Variants in DSP observed in about 807,000 individuals in gnomAD.
DSP encodes the protein 250/210 kDa paraneoplastic pemphigus antigen.
In DSP, 114 loss-of-function variants were observed where a neutral mutation model predicts 290.6. The observed-to-expected ratio is 0.39, with a 90% CI of 0.34 to 0.46. DSP has a LOEUF of 0.46. Ranked by LOEUF, DSP falls within the 20% of genes least tolerant of loss-of-function variation. The probability of loss-of-function intolerance (pLI) is 0.99; values close to 1 mark genes in which losing one functional copy is unlikely to be tolerated. For synonymous variants in DSP, 1,311 were observed against 1,316.4 expected (o/e 1.00, Z 0.09); for missense variants, 3,230 against 3,495.8 (o/e 0.92, Z 1.92).
intron 4 of DSP, 97 bp from the exon 5 acceptor site, chr6:7,562,555 T>C (rs898736180): frequency 2.5e-5 from 39 of 1,590,846 alleles, no homozygotes; most frequent in Non-Finnish European, 2.7e-5. Flanking sequence ...TTTACATCTT[T>C]GGTTCTATCT....
intron 12 of DSP, among the ~76,000 whole-genome samples, chr6:7,570,164 A>C (rs1380545628): frequency 1.3e-5 from 2 of 152,222 alleles, no homozygotes; most frequent in Non-Finnish European, 2.9e-5. Flanking sequence ...ATCCTGCCTT[A>C]GACCTCTGTC....
Position 7,585,343 on chromosome 6 carries a change from C to T in DSP, c.8081C>T (p.Ala2694Val). ...ACCAGGCTGAAGCCTGCTCAGAAAG[C>T]CTTCATAGGCTTCGAGGGTGTGAAG... ...MATRLKPAQKAFIGFEGVKGK... is the reference protein window; with the variant it reads ...MATRLKPAQKVFIGFEGVKGK... Residue 2694 changes from alanine to valine, a missense_variant, in exon 24 of 24, where the codon GCC becomes GTC. Ala to Val is a moderately conservative substitution (Grantham distance 64). This residue lies in a region of DSP where 582 missense variants were observed against 555.4 expected (regional missense o/e 1.05). Transcript: ENST00000379802. 1 of 1,614,124 alleles carries T rather than the reference C, an allele frequency of 6.2e-7. No homozygotes were observed. Among genetic ancestry groups the T allele is most frequent in the Middle Eastern group, 1.6e-4 (1 of 6,062 alleles).
At chr6:7,567,274 T>G in intron 8 of DSP, 80 bp from the exon 9 acceptor site, 6 of 1,137,638 alleles carry the variant, frequency 5.3e-6, no homozygotes, top group Non-Finnish European at 6.7e-6. Context: ...CTAGCTTTCA[T>G]GCAGGCTCAC....
Position 7,568,599 on chromosome 6 carries a change from C to G in DSP, c.1419+10C>G, listed in dbSNP as rs776316124. ...CTACAAACAAGATCAGGTGTGTACT[C>G]ATTTAGAATGATACAAAAGTTTTCC... On this transcript the variant is annotated intron_variant, in intron 11 of 23. Coordinates refer to ENST00000379802, the MANE Select transcript of DSP (RefSeq NM_004415.4). The G allele has an allele frequency of 6.2e-7, 1 of 1,613,384 alleles. No homozygotes were observed.
At chr6:7,562,505 G>C (rs757745359) in intron 4 of DSP, 147 bp from the exon 5 acceptor site, 8 of 1,428,894 alleles carry the variant, frequency 5.6e-6, no homozygotes, top group Non-Finnish European at 7.8e-6. Flanking sequence ...AGCCATTTGG[G>C]AACCTTTAAA....
chr6:7,578,472 T>C lies in DSP; in HGVS notation c.2994T>C (p.Asp998=). ...PSGVILQEAA[D]VHARYIELLT... Reference sequence around the variant, plus strand: ...CCTTCCTTTTCTCCAAGGCTGCAGATGTTCATGCTCGGTACATTGAACTAC... The same window carrying C: ...CCTTCCTTTTCTCCAAGGCTGCAGACGTTCATGCTCGGTACATTGAACTAC... Residue 998 remains aspartate (D), a synonymous_variant, in exon 22 of 24, where the codon GAT becomes GAC. Coordinates refer to ENST00000379802, the MANE Select transcript of DSP (RefSeq NM_004415.4). The C allele has an allele frequency of 1.2e-6, 2 of 1,613,606 alleles. No homozygotes were observed. The highest frequency in any genetic ancestry group is 1.7e-6 in the Non-Finnish European group (2 of 1,179,648).
chr6:7,552,035 C>T (rs6922866), intron 1 of DSP, among the ~76,000 whole-genome samples: 2,162 of 152,258 alleles, frequency 0.014, 56 homozygotes, highest in African/African-American at 0.049. Context: ...GGATCAGACG[C>T]GGTCTTGAAA....
intron 1 of DSP, among the ~76,000 whole-genome samples, chr6:7,550,729 A>G (rs1342387354): frequency 1.3e-5 from 2 of 151,952 alleles, no homozygotes; most frequent in African/African-American, 4.8e-5. Flanking sequence ...AAGGGCACCT[A>G]TTAATTTTGG....
At chr6:7,566,334 A>G (rs774810048) in intron 7 of DSP, 43 bp from the exon 8 acceptor site, 11 of 1,530,294 alleles carry the variant, frequency 7.2e-6, no homozygotes, top group East Asian at 2.2e-5. Context: ...TGGAAGTTTA[A>G]TGATGACTTG....
rs1759512067 is a variant in DSP at position 7,583,286 on chromosome 6, C to T, written c.6024C>T (p.Ile2008=). 6.2e-7 allele frequency: 1 copy of T among 1,614,200 alleles called. No homozygotes were observed. The highest frequency in any genetic ancestry group is 2.2e-5 in the East Asian group (1 of 44,888). Residue 2008 remains isoleucine, a synonymous_variant, in exon 24 of 24, where the codon ATC becomes ATT. Transcript: ENST00000379802. This position sits in a 1 kb window ranked among gnomAD's most constrained non-coding sequence, Gnocchi z 4.0. ...KKSVEEVASE[I]QPFLRGAGSI... is the part of the protein sequence containing the mutation. ...CAGTGGAAGAAGTTGCTTCTGAAATCCAGCCATTCCTTCGGGGTGCAGGAT... is the reference window on the plus strand; with the variant it reads ...CAGTGGAAGAAGTTGCTTCTGAAATTCAGCCATTCCTTCGGGGTGCAGGAT...
intron 3 of DSP, among the ~76,000 whole-genome samples, chr6:7,558,978 C>T (rs889408920): frequency 1.3e-5 from 2 of 152,136 alleles, no homozygotes; most frequent in African/African-American, 4.8e-5. Context: ...ATGAAAGTTG[C>T]TCCCAGGTTA....
At chr6:7,554,123 A>ACACACACACACACACC (rs1364448993) in intron 1 of DSP, among the ~76,000 whole-genome samples, 8 of 150,874 alleles carry the variant, frequency 5.3e-5, no homozygotes, top group Non-Finnish European at 1.5e-5. Context: ...ACACACACAC[A>ACACACACACACACACC]CACCCAGTTG....
At chr6:7,548,252 G>C (rs563072692) in intron 1 of DSP, among the ~76,000 whole-genome samples, 2 of 151,744 alleles carry the variant, frequency 1.3e-5, no homozygotes, top group Admixed American at 1.3e-4. Context: ...GGGCAACAGA[G>C]CGAGACTCCG....
rs1409693501 is a variant in DSP, at chr6:7,578,521, AG to A, written c.3045del (p.Arg1015SerfsTer3). The A allele has an allele frequency of 6.2e-7, 1 of 1,613,840 alleles. No individual in the cohort carries two copies. Among genetic ancestry groups the A allele is most frequent in the Non-Finnish European group, 8.5e-7 (1 of 1,179,880 alleles). ...ACTTACAAGATCTGGAGACTATTAC[AG>A]GTTCTTAAGTGAGATGCTGAAGAGT... is the stretch of plus-strand genomic sequence containing the variant. ...ELLTRSGDYY[R>X]FLSEMLKSLE... On this transcript the variant is annotated frameshift_variant, in exon 22 of 24. Coordinates refer to ENST00000379802, the MANE Select transcript of DSP (RefSeq NM_004415.4). LOFTEE classifies it high-confidence loss of function.
chr6:7,582,991 A>AAG lies in DSP; in HGVS notation c.5734_5735dup (p.Cys1913GlyfsTer17). 6.2e-7 allele frequency: 1 copy of AAG among 1,614,102 alleles called. No individual in the cohort carries two copies. The highest frequency in any genetic ancestry group is 1.1e-5 in the South Asian group (1 of 91,074). On this transcript the variant is annotated frameshift_variant, in exon 24 of 24. Coordinates refer to ENST00000379802, the MANE Select transcript of DSP (RefSeq NM_004415.4). LOFTEE classifies it high-confidence loss of function. This position sits in a 1 kb window ranked among gnomAD's most constrained non-coding sequence, Gnocchi z 4.2. ...CTCCAAGCAGAGATCAAGAGAATTG[A>AAG]AGAGAGGTGCAGGCGTAAGCTGGAG...
intron 1 of DSP, among the ~76,000 whole-genome samples, chr6:7,550,697 T>G (rs561918173): frequency 6.6e-6 from 1 of 152,170 alleles, no homozygotes; most frequent in Non-Finnish European, 1.5e-5. Context: ...TTAAAAACTT[T>G]TAAGGATGAG....
At chr6:7,574,833 G>A in intron 17 of DSP, 38 bp downstream of exon 17, 1 of 1,613,964 alleles carries the variant, frequency 6.2e-7, no homozygotes, top group African/African-American at 1.3e-5. Flanking sequence ...CAACTTACAG[G>A]AACTAATTCA....
At position 7,574,224 on chromosome 6, in the gene DSP, A is replaced by G; in HGVS notation, c.2269A>G (p.Asn757Asp). The G allele has an allele frequency of 6.2e-7, 1 of 1,614,010 alleles. No homozygotes were observed. The change falls in exon 16 of 24, where the codon AAT (asparagine) becomes GAT (aspartate). Residue 757 changes from asparagine to aspartate, a missense_variant. Physicochemically the swap from Asn to Asp is conservative, Grantham distance 23. Around this residue, in one of 5 missense-constraint regions of DSP, gnomAD observed 1,714 missense variants for 1,844.5 expected, o/e 0.93. Transcript: ENST00000379802. ...ACTATTTCAGAAACTGGAAAATATC[A>G]ATGGTGTTACAGATGGCTACTTAAA... Reference protein sequence around the residue: ...FGLFQKLENINGVTDGYLNSL... With the variant: ...FGLFQKLENIDGVTDGYLNSL...
chr6:7,560,872 T>C (rs141999700), intron 4 of DSP, among the ~76,000 whole-genome samples: 27 of 152,284 alleles, frequency 1.8e-4, no homozygotes, highest in African/African-American at 5.8e-4. Context: ...TTATGTTGGG[T>C]GTAGCTTAAG....
Sources: allele counts gnomAD v4.1 joint callset (sites outside exome capture counted in the v4.1 genomes callset), GRCh38; gene constraint gnomAD v4.1.1; regional missense constraint gnomAD v4.1.1; non-coding constraint Gnocchi (gnomAD v3.1); transcripts MANE v1.5; gene names NCBI Gene and HGNC (gene_info 2026-07-23, HGNC 2026-07-21).